ANKRD11: variants seen among roughly 807,000 people sequenced by gnomAD.
ANKRD11 encodes the protein ankyrin repeat domain 11, also known as ankyrin repeat domain-containing protein 11.
ANKRD11 carries 17 observed loss-of-function variants against 195.7 expected under a neutral mutation model. The ratio of observed to expected loss-of-function variants is 0.09; its 90% CI spans 0.06 to 0.13. ANKRD11 has a LOEUF of 0.13. Among genes scored for constraint, ANKRD11 ranks in the 10% least tolerant of loss-of-function variants. ANKRD11 has a pLI of 1.00. For synonymous variants in ANKRD11, 1,953 were observed against 1,528.1 expected, an observed-to-expected ratio of 1.28 and a Z score of -6.49; for missense variants, 3,735 against 3,566.1, an observed-to-expected ratio of 1.05 and a Z score of -1.21.
chr16:89,319,411 A>T (rs1252504519), intron 2 of ANKRD11, among the ~76,000 whole-genome samples: 1 of 152,232 alleles, frequency 6.6e-6, no homozygotes, highest in Non-Finnish European at 1.5e-5. Context: ...AATACTTTTC[A>T]CGGCCTGCAT....
chr16:89,278,848 G>T, intron 9 of ANKRD11: 1 of 760,200 alleles, frequency 1.3e-6, no homozygotes, highest in Non-Finnish European at 2.3e-6. Context: ...CCGAGGCCTG[G>T]CACGGACCAG....
Position 89,283,879 on chromosome 16 carries a change from C to T in ANKRD11, c.2663G>A (p.Arg888Lys). The part of the protein sequence containing the change: ...LETVKEDSKE[R>K]RRDSRAREKR... ...CTCCCGGGCCCGGCTGTCCCGCCTC[C>T]TCTCCTTGCTGTCCTCCTTCACCGT... Residue 888 changes from arginine to lysine, a missense_variant, in exon 9 of 13, where the codon AGG (arginine) becomes AAG (lysine). Arg to Lys is a conservative substitution (Grantham distance 26, BLOSUM62 2). Transcript: ENST00000301030. This position sits in a 1 kb window ranked among gnomAD's most constrained non-coding sequence, Gnocchi z 4.3. 1 of 1,614,194 alleles carries T rather than the reference C, an allele frequency of 6.2e-7. No homozygotes were observed. Among genetic ancestry groups the T allele is most frequent in the Non-Finnish European group, 8.5e-7 (1 of 1,180,054 alleles).
rs959492774 is a variant in ANKRD11 at position 89,282,063 on chromosome 16, C to T, written c.4479G>A (p.Leu1493=). The T allele has an allele frequency of 5.6e-6, 9 of 1,612,148 alleles. No homozygotes were observed. The African/African-American group carries it at 9.3e-5, about 17-fold the overall frequency. Residue 1493 remains leucine, a synonymous_variant, in exon 9 of 13, where the codon CTG becomes CTA. Coordinates refer to ENST00000301030, the MANE Select transcript of ANKRD11 (RefSeq NM_013275.6). The part of the protein sequence containing the change: ...GLLRHHRDEL[L]RHHRDEQKPA... The stretch of plus-strand genomic sequence containing the variant: ...GCTTCTGCTCGTCCCTGTGATGCCG[C>T]AGGAGCTCGTCCCTGTGATGCCGCA...
intron 1 of ANKRD11, among the ~76,000 whole-genome samples, chr16:89,441,564 G>A (rs1204161651): frequency 7.9e-5 from 12 of 151,914 alleles, no homozygotes; most frequent in East Asian, 1.9e-4. Flanking sequence ...TCAGCAGATG[G>A]AGACCATCCT....
intron 2 of ANKRD11, among the ~76,000 whole-genome samples, chr16:89,330,653 T>G (rs2038004251): frequency 1.2e-4 from 1 of 8,658 alleles, no homozygotes; most frequent in Admixed American, 1.6e-3. Context: ...CCCAGTACAG[T>G]GACTGGGGGG....
intron 1 of ANKRD11, among the ~76,000 whole-genome samples, chr16:89,428,409 C>T (rs2042820294): frequency 6.6e-6 from 1 of 151,578 alleles, no homozygotes; most frequent in Admixed American, 6.6e-5. Context: ...GCCTATAGTC[C>T]CAGCTGCTGG....
Position 89,409,199 on chromosome 16 carries a change from C to T in ANKRD11, c.-60+9085G>A, listed in dbSNP as rs77249028. Among the ~76,000 whole-genome samples the T allele has an allele frequency of 5.8e-4, 89 of 152,318 alleles. No individual in the cohort carries two copies. The East Asian group carries it at 0.017, about 29-fold the overall frequency. ...TCTGAGGAAATGAGATGAGCTCACA[C>T]ACCTGATGACAGCTTCCCTCAGCAA... On this transcript the variant is annotated intron_variant, in intron 2 of 12. Transcript: ENST00000301030.
At chr16:89,420,471 G>A (rs2042466641) in intron 1 of ANKRD11, 1 of 152,202 alleles carries the variant, frequency 6.6e-6, no homozygotes, top group Admixed American at 6.5e-5. Flanking sequence ...TAATGCAGCT[G>A]CTGTTTCCCA....
At chr16:89,457,203 C>A (rs2056477921) in intron 1 of ANKRD11, among the ~76,000 whole-genome samples, 1 of 151,018 alleles carries the variant, frequency 6.6e-6, no homozygotes, top group Non-Finnish European at 1.5e-5. Context: ...TCGTGATCCG[C>A]CCGCCTCGGC....
At chr16:89,324,373 C>A (rs1451958286) in intron 2 of ANKRD11, 2 of 768,004 alleles carry the variant, frequency 2.6e-6, no homozygotes, top group Non-Finnish European at 3.9e-6. Flanking sequence ...AGGAGGGCGG[C>A]ACGTGGGCGC....
At chr16:89,309,840 C>T (rs926776860) in intron 3 of ANKRD11, among the ~76,000 whole-genome samples, 1 of 152,228 alleles carries the variant, frequency 6.6e-6, no homozygotes, top group African/African-American at 2.4e-5. Context: ...CAGGCACCTC[C>T]TGTAAGGCCC....
intron 2 of ANKRD11, among the ~76,000 whole-genome samples, chr16:89,374,699 A>C (rs1358237506): frequency 6.6e-6 from 1 of 152,108 alleles, no homozygotes; most frequent in East Asian, 1.9e-4. Context: ...AAGCACTTCA[A>C]CTCTGCTCAG....
intron 2 of ANKRD11, among the ~76,000 whole-genome samples, chr16:89,388,204 A>G (rs1275478401): frequency 1.3e-5 from 2 of 150,574 alleles, no homozygotes; most frequent in East Asian, 2.0e-4. Flanking sequence ...CAGACTATTC[A>G]CCACCACAAA....
Position 89,285,955 on chromosome 16 carries a change from A to AG in ANKRD11, c.892+83dup. 1 of 1,601,708 alleles carries AG rather than the reference A, an allele frequency of 6.2e-7. No homozygotes were observed. ...CAGCATCCGAGGAGGAGCTGATCAG[A>AG]GGGGCAACACTGTGCAAACACCACA... On this transcript the variant is annotated intron_variant, in intron 8 of 12. Transcript: ENST00000301030. The surrounding 1 kb of genome is among the most constrained non-coding windows in gnomAD (Gnocchi z 5.6).
chr16:89,442,261 C>T (rs1044478888), intron 1 of ANKRD11, among the ~76,000 whole-genome samples: 1 of 152,160 alleles, frequency 6.6e-6, no homozygotes, highest in Non-Finnish European at 1.5e-5. Flanking sequence ...GCTTTCCTCA[C>T]TAAGGATTTA....
intron 1 of ANKRD11, among the ~76,000 whole-genome samples, chr16:89,463,369 G>GC: frequency 1.3e-5 from 2 of 152,258 alleles, no homozygotes; most frequent in East Asian, 3.9e-4. Context: ...CTGTGACCTT[G>GC]CCCCCAACCC....
intron 2 of ANKRD11, among the ~76,000 whole-genome samples, chr16:89,362,696 T>C (rs1282465757): frequency 6.6e-6 from 1 of 152,260 alleles, no homozygotes; most frequent in Non-Finnish European, 1.5e-5. Flanking sequence ...ATGTACTTTA[T>C]GTTCTTAGCT....
chr16:89,484,954 C>A (rs2057556684), intron 1 of ANKRD11, among the ~76,000 whole-genome samples: 1 of 152,164 alleles, frequency 6.6e-6, no homozygotes, highest in African/African-American at 2.4e-5. Context: ...TCACCCTCCA[C>A]CAGCCACAAG....
At chr16:89,385,487 C>G (rs1230282808) in intron 2 of ANKRD11, among the ~76,000 whole-genome samples, 1 of 152,118 alleles carries the variant, frequency 6.6e-6, no homozygotes, top group Non-Finnish European at 1.5e-5. Context: ...CAGCACCGGG[C>G]AGAGGGAAGG....
Sources: gnomAD v4.1 joint callset for allele counts (sites outside exome capture counted in the v4.1 genomes callset) on GRCh38, gnomAD v4.1.1 for gene constraint, Gnocchi (gnomAD v3.1) non-coding constraint, MANE v1.5 for transcripts, NCBI Gene and HGNC (gene_info 2026-07-23, HGNC 2026-07-21) for gene names.